The following CDC25C variants were observed in gnomAD, a reference collection of about 807,000 sequenced individuals.
CDC25C encodes the protein M-phase inducer phosphatase 3.
A neutral mutation model predicts 52.5 loss-of-function variants in CDC25C; 48 were observed. The observed-to-expected ratio is 0.91, with a 90% CI of 0.72 to 1.16. The LOEUF (loss-of-function observed/expected upper bound fraction) is 1.16. Ranked by LOEUF, CDC25C falls within the 50% of genes most tolerant of loss-of-function variation. The pLI is 0.00. For missense variants in CDC25C, 510 were observed against 566.1 expected, an observed-to-expected ratio of 0.90 and a Z score of 1.01; for synonymous variants, 187 against 206.5, an observed-to-expected ratio of 0.91 and a Z score of 0.81.
At position 138,326,000 on chromosome 5, in the gene CDC25C, A is replaced by C. The variant is rs749679522; in HGVS notation, c.369+21T>G. 7.4e-6 allele frequency: 12 copies of C among 1,613,406 alleles called. No homozygotes were observed. The African/African-American group carries it at 9.3e-5, about 13-fold the overall frequency. On this transcript the variant is annotated intron_variant, in intron 5 of 13. Coordinates refer to ENST00000323760, the MANE Select transcript of CDC25C (RefSeq NM_001790.5). ...CCACCTGAAAAGCAAAACAAAACCCAAAAAAAGAGAGGCTACTCACTGGGC... is the reference window on the plus strand; with the variant it reads ...CCACCTGAAAAGCAAAACAAAACCCCAAAAAAGAGAGGCTACTCACTGGGC...
At chr5:138,295,357 T>C (rs541430762) in intron 7 of CDC25C, among the ~76,000 whole-genome samples, 1 of 152,288 alleles carries the variant, frequency 6.6e-6, no homozygotes, top group African/African-American at 2.4e-5. Context: ...ACACCTGTAA[T>C]CCCAACACTT....
chr5:138,336,446 G>A (rs1257793104), upstream of CDC25C, among the ~76,000 whole-genome samples: 1 of 152,160 alleles, frequency 6.6e-6, no homozygotes, highest in African/African-American at 2.4e-5. Flanking sequence ...CACTTTGTGA[G>A]GCCAAGATGG....
At chr5:138,303,298 A>G (rs1757769262) in intron 7 of CDC25C, among the ~76,000 whole-genome samples, 1 of 152,210 alleles carries the variant, frequency 6.6e-6, no homozygotes. Context: ...AAAAAATTTG[A>G]GAACTCTTAT....
chr5:138,322,283 G>A (rs1759477351), intron 6 of CDC25C, among the ~76,000 whole-genome samples: 1 of 145,616 alleles, frequency 6.9e-6, no homozygotes, highest in African/African-American at 2.6e-5. Context: ...TTACAGGCGT[G>A]AGCCACAGCA....
Position 138,337,779 on chromosome 5 carries a change from G to A in CDC25C, c.13+177C>T, listed in dbSNP as rs183405931. 2,773 of 385,696 alleles carry A rather than the reference G, an allele frequency of 7.2e-3. 11 individuals are homozygous for A. The highest frequency in any genetic ancestry group is 1.0e-2 in the Non-Finnish European group (2,088 of 209,310). 23.9% of individuals were successfully genotyped at this position (385,696 alleles called of 1,614,324 possible). A position where few individuals can be genotyped will look rare whatever the true frequency, so the allele number is the denominator to read the frequency against. On this transcript the variant is annotated intron_variant, in intron 1 of 5. Coordinates refer to the CDC25C transcript ENST00000510119. The stretch of plus-strand genomic sequence containing the variant: ...CACACTTCCCAGCAGCCTTCACGCC[G>A]CGGACGGGTCCTTTGCTGGGGGAAG...
At chr5:138,313,735 T>C (rs1373201710) in intron 7 of CDC25C, among the ~76,000 whole-genome samples, 1 of 152,090 alleles carries the variant, frequency 6.6e-6, no homozygotes, top group Non-Finnish European at 1.5e-5. Context: ...TTCTCCTCTA[T>C]ACAGCTGCCC....
chr5:138,319,360 C>T lies in CDC25C; in HGVS notation c.474G>A (p.Leu158=). Residue 158 remains leucine, a synonymous_variant, in exon 7 of 14, where the codon TTG becomes TTA. Coordinates refer to ENST00000323760, the MANE Select transcript of CDC25C (RefSeq NM_001790.5). ...CCAAATATTTCATTTCACTGTCCAC[C>T]AAGTTTCCATTGTCCTGTCAAGTAT... is the stretch of plus-strand genomic sequence containing the variant. ...SANKENDNGN[L]VDSEMKYLGS... 1 of 1,612,436 alleles carries T rather than the reference C, an allele frequency of 6.2e-7. No homozygotes were observed. The highest frequency in any genetic ancestry group is 8.5e-7 in the Non-Finnish European group (1 of 1,179,208).
intron 7 of CDC25C, among the ~76,000 whole-genome samples, chr5:138,297,869 A>G (rs1016378187): frequency 3.3e-4 from 50 of 152,248 alleles, no homozygotes; most frequent in African/African-American, 1.2e-3. Context: ...ATATGCACAG[A>G]GACTGAAATG....
At chr5:138,329,887 C>T (rs780793075) in intron 2 of CDC25C, among the ~76,000 whole-genome samples, 4 of 152,000 alleles carry the variant, frequency 2.6e-5, no homozygotes, top group Non-Finnish European at 2.9e-5. Context: ...CCTGCCACCA[C>T]GCCCAGCTAA....
At chr5:138,338,295 T>A (rs568177872) in exon 1 of CDC25C, 14 of 678,468 alleles carry the variant, frequency 2.1e-5, no homozygotes, top group Middle Eastern at 3.1e-4. Flanking sequence ...CCCTGGGAGC[T>A]GGAGGAACCG....
At chr5:138,324,442 G>A (rs1344278598) in intron 6 of CDC25C, among the ~76,000 whole-genome samples, 1 of 151,666 alleles carries the variant, frequency 6.6e-6, no homozygotes, top group Non-Finnish European at 1.5e-5. Context: ...TTATTTCTAG[G>A]GAGAGGAAAA....
intron 12 of CDC25C, 91 bp from the exon 13 acceptor site, chr5:138,286,224 C>A: frequency 1.0e-6 from 1 of 1,002,588 alleles, no homozygotes; most frequent in Non-Finnish European, 1.5e-6. Context: ...GAGGAGTAGA[C>A]TATTGCCAAC....
intron 7 of CDC25C, among the ~76,000 whole-genome samples, chr5:138,299,934 C>G (rs950573088): frequency 6.6e-6 from 1 of 152,078 alleles, no homozygotes; most frequent in Non-Finnish European, 1.5e-5. Flanking sequence ...GACATTACTA[C>G]CAACCTTACA....
At chr5:138,287,321 A>C (rs1218650607) in intron 10 of CDC25C, 54 bp from the exon 11 acceptor site, 1 of 1,260,804 alleles carries the variant, frequency 7.9e-7, no homozygotes, top group African/African-American at 1.5e-5. Flanking sequence ...GAGGGAGAGA[A>C]GGGTCAATGA....
chr5:138,325,554 G>C (rs1351982903), intron 6 of CDC25C, among the ~76,000 whole-genome samples: 1 of 152,012 alleles, frequency 6.6e-6, no homozygotes, highest in Non-Finnish European at 1.5e-5. Context: ...CTACAGTAAG[G>C]GTAATTTTTG....
exon 1 of CDC25C, chr5:138,338,297 G>C (rs535091734): frequency 4.5e-6 from 3 of 659,890 alleles, no homozygotes; most frequent in Non-Finnish European, 7.2e-6. Flanking sequence ...CTGGGAGCTG[G>C]AGGAACCGCG....
At chr5:138,337,198 TGCTA>T (rs771822093) in intron 1 of CDC25C, 4 of 152,284 alleles carry the variant, frequency 2.6e-5, no homozygotes, top group Non-Finnish European at 4.4e-5. Flanking sequence ...CCATCTGTGA[TGCTA>T]GCTGAGACTC....
At chr5:138,331,409 A>C (rs1760376427) in intron 1 of CDC25C, among the ~76,000 whole-genome samples, 186 bp downstream of exon 1, 1 of 152,216 alleles carries the variant, frequency 6.6e-6, no homozygotes, top group Non-Finnish European at 1.5e-5. Context: ...AGATGGAATG[A>C]AGAGAGGATT....
chr5:138,318,719 A>G (rs1181723675), intron 7 of CDC25C, among the ~76,000 whole-genome samples: 1 of 152,140 alleles, frequency 6.6e-6, no homozygotes, highest in Non-Finnish European at 1.5e-5. Flanking sequence ...TGTCTTAAAA[A>G]AAACAAACAA....
Sources: allele counts gnomAD v4.1 joint callset (sites outside exome capture counted in the v4.1 genomes callset), GRCh38; gene constraint gnomAD v4.1.1; transcripts MANE v1.5; gene names NCBI Gene and HGNC (gene_info 2026-07-23, HGNC 2026-07-21).